Variants in PPP1R12B observed in about 807,000 individuals in gnomAD.
PPP1R12B encodes protein phosphatase 1 regulatory subunit 12B.
In PPP1R12B, 76 loss-of-function variants were observed where a neutral mutation model predicts 126.1. That is an observed-to-expected ratio of 0.60 (90% CI 0.50 to 0.73). The LOEUF (loss-of-function observed/expected upper bound fraction) is 0.73, where lower values mean the gene tolerates loss of function less well. Ranked by LOEUF, PPP1R12B falls within the 30% of genes least tolerant of loss-of-function variation. The pLI is 0.00. For missense variants in PPP1R12B, 1,052 were observed against 1,205.1 expected (o/e 0.87, Z 1.88); for synonymous variants, 356 against 434.7 (o/e 0.82, Z 2.25).
chr1:202,355,265 T>C (rs1656862436), intron 1 of PPP1R12B, among the ~76,000 whole-genome samples: 1 of 152,174 alleles, frequency 6.6e-6, no homozygotes, highest in African/African-American at 2.4e-5. Context: ...CAACTAATAT[T>C]GAATGTCTAA....
At chr1:202,377,329 T>TC (rs56996288) in intron 1 of PPP1R12B, among the ~76,000 whole-genome samples, 1,694 of 151,972 alleles carry the variant, frequency 0.011, 35 homozygotes, top group African/African-American at 0.039. Flanking sequence ...CTTTTTTTTT[T>TC]TTTCGCTCTG....
chr1:202,439,489 C>A (rs1671322235), intron 10 of PPP1R12B: 8 of 1,514,290 alleles, frequency 5.3e-6, no homozygotes, highest in Non-Finnish European at 9.0e-7. Context: ...TGGTCCAGCC[C>A]ATGGAAGTGG....
At position 202,444,958 on chromosome 1, in the gene PPP1R12B, A is replaced by G. The variant is rs550586447; in HGVS notation, c.1667+2386A>G. On this transcript the variant is annotated intron_variant, in intron 12 of 23. Coordinates refer to ENST00000608999, the MANE Select transcript of PPP1R12B (RefSeq NM_002481.4). ...CCTTTCTTTGGTCTATATTCATTTC[A>G]AGTGCACAATCTGGGTGGGAAGGTG... The G allele has an allele frequency of 1.9e-4, 215 of 1,103,144 alleles. No homozygotes were observed. In the African/African-American group the frequency reaches 2.5e-3, roughly 13 times the overall value. The allele number at this position is 1,103,144 out of a possible 1,614,324, so 68.3% of individuals were successfully genotyped here. A position where few individuals can be genotyped will look rare whatever the true frequency, so the allele number is the denominator to read the frequency against.
intron 1 of PPP1R12B, among the ~76,000 whole-genome samples, chr1:202,395,062 A>G (rs1264292912): frequency 1.5e-5 from 2 of 137,024 alleles, no homozygotes; most frequent in African/African-American, 2.6e-5. Flanking sequence ...GGTTGTATTG[A>G]GTTGAGATGA....
rs960933403 is a variant in PPP1R12B, at chr1:202,591,894, A to T, written c.*11334A>T. 2.0e-5 allele frequency: 3 copies of T among 152,740 alleles called. No homozygotes were observed. The highest frequency in any genetic ancestry group is 7.2e-5 in the African/African-American group (3 of 41,444). The allele number at this position is 152,740 out of a possible 1,614,324, so 9.5% of individuals were successfully genotyped here. A position where few individuals can be genotyped will look rare whatever the true frequency, so the allele number is the denominator to read the frequency against. On this transcript the variant is annotated 3_prime_UTR_variant, in exon 24 of 24. Coordinates refer to ENST00000608999, the MANE Select transcript of PPP1R12B (RefSeq NM_002481.4). Reference sequence around the variant, plus strand: ...TGTCTGCTCCTCGCCCAGCGTAGAGATGGAGCTGAACTGTGAACCCAGGCC... The same window carrying T: ...TGTCTGCTCCTCGCCCAGCGTAGAGTTGGAGCTGAACTGTGAACCCAGGCC...
In PPP1R12B at chr1:202,366,950, G is replaced by A. The variant is rs76597271; in HGVS notation, c.291+17808G>A. Among the ~76,000 whole-genome samples the A allele has an allele frequency of 8.5e-3, 1,293 of 152,208 alleles. 25 individuals are homozygous for A. Among genetic ancestry groups the A allele is most frequent in the African/African-American group, 0.03 (1,227 of 41,516 alleles). On this transcript the variant is annotated intron_variant, in intron 1 of 23. Coordinates refer to ENST00000608999, the MANE Select transcript of PPP1R12B (RefSeq NM_002481.4). The stretch of plus-strand genomic sequence containing the variant: ...CATAGTTTTATGTACCAAAACTATG[G>A]TACTTAAGTGGTTCCATATAGTGAA...
chr1:202,385,157 G>T (rs1662926265), intron 1 of PPP1R12B, among the ~76,000 whole-genome samples: 1 of 152,154 alleles, frequency 6.6e-6, no homozygotes, highest in Non-Finnish European at 1.5e-5. Flanking sequence ...CTTCATATAA[G>T]GTTTATGAAA....
At chr1:202,380,898 A>T (rs1662138736) in intron 1 of PPP1R12B, among the ~76,000 whole-genome samples, 1 of 152,208 alleles carries the variant, frequency 6.6e-6, no homozygotes, top group Non-Finnish European at 1.5e-5. Context: ...TCAAGTGTTC[A>T]TGCGGTTGTT....
intron 6 of PPP1R12B, among the ~76,000 whole-genome samples, chr1:202,429,711 C>T (rs763130370): frequency 6.6e-6 from 1 of 152,144 alleles, no homozygotes; most frequent in African/African-American, 2.4e-5. Flanking sequence ...CCAAAAAAAT[C>T]AATGACTTTT....
chr1:202,492,460 C>T (rs576618013), intron 14 of PPP1R12B, among the ~76,000 whole-genome samples: 1 of 152,328 alleles, frequency 6.6e-6, no homozygotes, highest in South Asian at 2.1e-4. Context: ...TTGGAATCAG[C>T]TCATGCTCTT....
In PPP1R12B at chr1:202,449,077, C is replaced by T. The variant is rs770929755; in HGVS notation, c.1756C>T (p.Arg586Cys). ...SSTPLCVITN[R>C]PLPSTANGVT... ...CACCCCGCTCTGTGTGATCACCAAT[C>T]GCCCTCTTCCTAGCACTGCCAATGG... is the stretch of plus-strand genomic sequence containing the variant. Residue 586 changes from arginine to cysteine, a missense_variant, in exon 13 of 24, where the codon CGC becomes TGC. Arg to Cys is a radical substitution (Grantham distance 180). Transcript: ENST00000608999. 9.3e-6 allele frequency: 15 copies of T among 1,613,762 alleles called. No homozygotes were observed. The highest frequency in any genetic ancestry group is 6.7e-5 in the African/African-American group (5 of 74,894).
chr1:202,488,182 C>T (rs539354057), intron 13 of PPP1R12B, among the ~76,000 whole-genome samples: 1 of 152,298 alleles, frequency 6.6e-6, no homozygotes, highest in South Asian at 2.1e-4. Context: ...ATTTGCATCT[C>T]AGGAGGGACA....
intron 1 of PPP1R12B, among the ~76,000 whole-genome samples, chr1:202,372,192 A>G (rs1660398599): frequency 6.6e-6 from 1 of 151,878 alleles, no homozygotes; most frequent in Non-Finnish European, 1.5e-5. Flanking sequence ...TTTTCCAATC[A>G]GTTTTTCTTA....
intron 1 of PPP1R12B, among the ~76,000 whole-genome samples, chr1:202,378,641 G>A (rs1170030600): frequency 4.6e-5 from 7 of 151,870 alleles, no homozygotes; most frequent in African/African-American, 1.7e-4. Flanking sequence ...CACCACGCCC[G>A]GCTAATTTTT....
At chr1:202,388,781 A>T (rs1419818495) in intron 1 of PPP1R12B, among the ~76,000 whole-genome samples, 1 of 152,174 alleles carries the variant, frequency 6.6e-6, no homozygotes, top group Non-Finnish European at 1.5e-5. Context: ...TCCATGGAAA[A>T]ATTTGGCAAG....
chr1:202,566,049 A>G (rs1018014482), intron 21 of PPP1R12B, among the ~76,000 whole-genome samples: 1 of 152,192 alleles, frequency 6.6e-6, no homozygotes, highest in Non-Finnish European at 1.5e-5. Flanking sequence ...TTTTACAGAA[A>G]ATTAAAGAGC....
intron 3 of PPP1R12B, among the ~76,000 whole-genome samples, chr1:202,423,672 A>G (rs1427484643): frequency 1.3e-5 from 2 of 151,676 alleles, no homozygotes; most frequent in African/African-American, 4.8e-5. Context: ...TTTCTGTCCT[A>G]TTTTGTTTGT....
intron 18 of PPP1R12B, among the ~76,000 whole-genome samples, chr1:202,530,807 A>G (rs1466872826): frequency 6.6e-6 from 1 of 152,202 alleles, no homozygotes; most frequent in African/African-American, 2.4e-5. Context: ...ATTAGTGGAT[A>G]TATTTTGTTG....
chr1:202,529,976 G>C (rs908967623), intron 18 of PPP1R12B, among the ~76,000 whole-genome samples: 1 of 151,970 alleles, frequency 6.6e-6, no homozygotes, highest in Non-Finnish European at 1.5e-5. Flanking sequence ...ACTCTTAACT[G>C]TACTAAATAT....
Sources: gnomAD v4.1 joint callset for allele counts (sites outside exome capture counted in the v4.1 genomes callset) on GRCh38, gnomAD v4.1.1 for gene constraint, MANE v1.5 for transcripts, NCBI Gene and HGNC (gene_info 2026-07-23, HGNC 2026-07-21) for gene names.